The following EPHA6 variants were observed in gnomAD, a reference collection of about 807,000 sequenced individuals.
The protein encoded by EPHA6 is ephrin type-A receptor 6.
A neutral mutation model predicts 112.0 loss-of-function variants in EPHA6; 50 were observed. The ratio of observed to expected loss-of-function variants is 0.45; its 90% CI spans 0.36 to 0.56. The LOEUF (loss-of-function observed/expected upper bound fraction) is 0.56. Ranked by LOEUF, EPHA6 falls within the 20% of genes least tolerant of loss-of-function variation. The pLI is 0.00. For synonymous variants in EPHA6, 529 were observed against 490.7 expected (o/e 1.08, Z -1.03); for missense variants, 1,280 against 1,417.4 (o/e 0.90, Z 1.56).
intron 14 of EPHA6, among the ~76,000 whole-genome samples, chr3:97,651,155 G>A (rs987768586): frequency 2.6e-5 from 4 of 151,990 alleles, no homozygotes; most frequent in African/African-American, 9.7e-5. Context: ...GAAATAAGTA[G>A]AAAGAAAGTG....
chr3:97,538,981 C>CCCTT (rs796880122), intron 11 of EPHA6, among the ~76,000 whole-genome samples: 7 of 130,156 alleles, frequency 5.4e-5, no homozygotes, highest in Admixed American at 1.6e-4. Context: ...CACTTTCTCT[C>CCCTT]TCTTTCTTTC....
intron 6 of EPHA6, among the ~76,000 whole-genome samples, chr3:97,419,252 G>A (rs2088401429): frequency 6.6e-6 from 1 of 151,910 alleles, no homozygotes; most frequent in Admixed American, 6.6e-5. Context: ...GCGGTGAGCC[G>A]AGATCCTGCC....
chr3:97,481,744 G>A (rs2107489558), intron 9 of EPHA6, among the ~76,000 whole-genome samples: 1 of 146,700 alleles, frequency 6.8e-6, no homozygotes, highest in East Asian at 2.0e-4. Context: ...GACTCTTACT[G>A]CACTGGCAGA....
chr3:97,238,853 C>T (rs1015359906), intron 4 of EPHA6, among the ~76,000 whole-genome samples: 2 of 151,766 alleles, frequency 1.3e-5, no homozygotes, highest in African/African-American at 2.4e-5. Flanking sequence ...AAAGAATGGA[C>T]GGGGGCCTGG....
At position 96,980,961 on chromosome 3, in the gene EPHA6, G is replaced by T. The variant is rs183784819; in HGVS notation, c.451-6369G>T. Among the ~76,000 whole-genome samples, 880 of 152,268 alleles carry T rather than the reference G, an allele frequency of 5.8e-3. 7 individuals carry two copies. The highest frequency in any genetic ancestry group is 0.02 in the African/African-American group (821 of 41,552). ...TAAGGAGATTTTGGGCTGAGACGAT[G>T]GGGTTTTCTAAATATACAAGCATGT... On this transcript the variant is annotated intron_variant, in intron 2 of 17. Transcript: ENST00000389672.
chr3:96,859,210 C>G (rs1190979922), intron 1 of EPHA6, among the ~76,000 whole-genome samples: 3 of 151,954 alleles, frequency 2.0e-5, no homozygotes, highest in Admixed American at 6.6e-5. Flanking sequence ...TATAATTGTG[C>G]TGTCTTGATT....
intron 2 of EPHA6, among the ~76,000 whole-genome samples, chr3:96,948,350 C>G (rs1012404619): frequency 2.6e-5 from 4 of 152,194 alleles, no homozygotes; most frequent in Admixed American, 2.6e-4. Flanking sequence ...CACCCATATT[C>G]CTTTACAGTT....
intron 14 of EPHA6, among the ~76,000 whole-genome samples, chr3:97,668,911 CAAAAAAAAA>C (rs397990599): frequency 3.4e-4 from 11 of 31,912 alleles, no homozygotes; most frequent in Admixed American, 5.9e-4. Flanking sequence ...GACTCTGTCT[CAAAAAAAAA>C]AAAAAAAAAA....
intron 2 of EPHA6, among the ~76,000 whole-genome samples, chr3:96,873,963 CTG>C (rs745686899): frequency 3.3e-5 from 5 of 152,074 alleles, no homozygotes; most frequent in Non-Finnish European, 7.4e-5. Context: ...TATGAAAAAA[CTG>C]GACCTGAGAA....
intron 6 of EPHA6, among the ~76,000 whole-genome samples, chr3:97,406,400 G>T (rs1424262076): frequency 2.6e-5 from 4 of 152,072 alleles, no homozygotes; most frequent in Non-Finnish European, 4.4e-5. Context: ...AGAAGCAAAA[G>T]GAAGTCAAAC....
intron 14 of EPHA6, among the ~76,000 whole-genome samples, chr3:97,716,375 T>C (rs1245772229): frequency 8.0e-6 from 1 of 125,400 alleles, no homozygotes; most frequent in Non-Finnish European, 1.5e-5. Context: ...GAGACCATCC[T>C]GGCTAACAAG....
chr3:97,007,789 G>T (rs1303041858), intron 3 of EPHA6, among the ~76,000 whole-genome samples: 1 of 152,148 alleles, frequency 6.6e-6, no homozygotes, highest in Admixed American at 6.5e-5. Flanking sequence ...CTCTTGCAGG[G>T]CAGACCTGGT....
chr3:97,575,797 A>G (rs1010670340), intron 11 of EPHA6, among the ~76,000 whole-genome samples: 1 of 152,202 alleles, frequency 6.6e-6, no homozygotes, highest in Non-Finnish European at 1.5e-5. Flanking sequence ...ATTAAATTGG[A>G]GACAGGGAAG....
At chr3:96,819,352 C>T (rs1032299188) in intron 1 of EPHA6, among the ~76,000 whole-genome samples, 1 of 151,972 alleles carries the variant, frequency 6.6e-6, no homozygotes, top group African/African-American at 2.4e-5. Context: ...CTTCACTAAT[C>T]ATTGTTAGTA....
At chr3:97,464,220 G>T (rs1204405953) in intron 7 of EPHA6, among the ~76,000 whole-genome samples, 1 of 152,052 alleles carries the variant, frequency 6.6e-6, no homozygotes, top group African/African-American at 2.4e-5. Context: ...TTTGGGTCAG[G>T]TCTCTGTCGG....
chr3:96,936,577 T>C (rs1441989963), intron 2 of EPHA6, among the ~76,000 whole-genome samples: 2 of 151,830 alleles, frequency 1.3e-5, no homozygotes, highest in Non-Finnish European at 2.9e-5. Flanking sequence ...TCTTGGGTTT[T>C]TTTTTGTTGA....
intron 1 of EPHA6, among the ~76,000 whole-genome samples, chr3:96,847,835 G>A (rs2035160316): frequency 6.6e-6 from 1 of 152,070 alleles, no homozygotes; most frequent in African/African-American, 2.4e-5. Flanking sequence ...TCTAGGGGTA[G>A]GTAGAGTAGA....
chr3:97,687,052 T>C (rs944475394), intron 14 of EPHA6, among the ~76,000 whole-genome samples: 1 of 152,206 alleles, frequency 6.6e-6, no homozygotes, highest in Non-Finnish European at 1.5e-5. Flanking sequence ...TTGTCTCTTA[T>C]GGTGCATGAA....
chr3:97,293,354 G>C (rs2108690628), intron 5 of EPHA6, among the ~76,000 whole-genome samples: 1 of 152,216 alleles, frequency 6.6e-6, no homozygotes, highest in African/African-American at 2.4e-5. Flanking sequence ...CCTTTTGGCA[G>C]GCAGGTCATC....
Sources: gnomAD v4.1 joint callset for allele counts (sites outside exome capture counted in the v4.1 genomes callset) on GRCh38, gnomAD v4.1.1 for gene constraint, MANE v1.5 for transcripts, NCBI Gene and HGNC (gene_info 2026-07-23, HGNC 2026-07-21) for gene names.